The following PDZRN4 variants were observed in gnomAD, a reference collection of about 807,000 sequenced individuals.
PDZRN4 encodes the protein PDZ domain-containing RING finger protein 4.
A neutral mutation model predicts 99.0 loss-of-function variants in PDZRN4; 70 were observed. The observed-to-expected ratio is 0.71, with a 90% CI of 0.58 to 0.86. PDZRN4 has a LOEUF of 0.86. Ranked by LOEUF, PDZRN4 falls within the 40% of genes least tolerant of loss-of-function variation. The pLI, the probability that PDZRN4 is intolerant of heterozygous loss-of-function variation, is 0.00. For missense variants in PDZRN4, 1,474 were observed against 1,331.2 expected, an observed-to-expected ratio of 1.11 and a Z score of -1.67; for synonymous variants, 551 against 501.6, an observed-to-expected ratio of 1.10 and a Z score of -1.32.
intron 3 of PDZRN4, among the ~76,000 whole-genome samples, chr12:41,288,588 T>C (rs1344340765): frequency 6.7e-6 from 1 of 150,134 alleles, no homozygotes; most frequent in Non-Finnish European, 1.5e-5. Context: ...ACTGTGAAAC[T>C]GCTCGAAATG....
intron 5 of PDZRN4, among the ~76,000 whole-genome samples, chr12:41,517,710 A>T (rs766872214): frequency 6.6e-6 from 1 of 152,106 alleles, no homozygotes; most frequent in Non-Finnish European, 1.5e-5. Context: ...AACTCATATA[A>T]GCAAAGTGAG....
At chr12:41,436,384 A>T (rs1650950116) in intron 3 of PDZRN4, among the ~76,000 whole-genome samples, 1 of 152,226 alleles carries the variant, frequency 6.6e-6, no homozygotes, top group Non-Finnish European at 1.5e-5. Context: ...ATTAGTGCTC[A>T]TTAGAATCAT....
chr12:41,515,201 G>A (rs1938379746), intron 5 of PDZRN4, among the ~76,000 whole-genome samples: 1 of 152,016 alleles, frequency 6.6e-6, no homozygotes, highest in Non-Finnish European at 1.5e-5. Flanking sequence ...GAAGAAACAT[G>A]ATGGGTATGA....
intron 3 of PDZRN4, among the ~76,000 whole-genome samples, chr12:41,281,541 A>G (rs1315110469): frequency 6.6e-6 from 1 of 152,228 alleles, no homozygotes; most frequent in Non-Finnish European, 1.5e-5. Flanking sequence ...ATGGAGCTGA[A>G]AAACATAGCA....
chr12:41,429,837 A>G (rs879650184), intron 3 of PDZRN4, among the ~76,000 whole-genome samples: 4 of 147,284 alleles, frequency 2.7e-5, no homozygotes, highest in Non-Finnish European at 5.9e-5. Context: ...CTGTACTTAC[A>G]CTACTATTCA....
intron 3 of PDZRN4, among the ~76,000 whole-genome samples, chr12:41,283,475 A>G (rs920919864): frequency 2.1e-4 from 32 of 152,234 alleles, no homozygotes; most frequent in African/African-American, 7.5e-4. Flanking sequence ...TATTCTGAAC[A>G]ACAGAAAATG....
At position 41,189,032 on chromosome 12, in the gene PDZRN4, C is replaced by CA; in HGVS notation, c.578dup (p.Glu194GlyfsTer28). Reference sequence around the variant, plus strand: ...GGTGCAGCTCACGGCGCGCAGGTACCAGGAGAAGTTCACCCAATACATGGC... The same window carrying CA: ...GGTGCAGCTCACGGCGCGCAGGTACCAAGGAGAAGTTCACCCAATACATGGC... On this transcript the variant is annotated frameshift_variant, in exon 1 of 10. Coordinates refer to ENST00000402685, the MANE Select transcript of PDZRN4 (RefSeq NM_001164595.2). LOFTEE classifies it high-confidence loss of function. The CA allele has an allele frequency of 6.4e-7, 1 of 1,570,422 alleles. No individual in the cohort carries two copies. Among genetic ancestry groups the CA allele is most frequent in the Non-Finnish European group, 8.6e-7 (1 of 1,166,430 alleles).
chr12:41,466,845 C>A (rs1952931154), intron 3 of PDZRN4, among the ~76,000 whole-genome samples: 1 of 146,808 alleles, frequency 6.8e-6, no homozygotes, highest in Non-Finnish European at 1.5e-5. Context: ...CTGAGAAAAG[C>A]AGATCATAGA....
At chr12:41,224,601 A>T (rs973339130) in intron 3 of PDZRN4, among the ~76,000 whole-genome samples, 2 of 152,200 alleles carry the variant, frequency 1.3e-5, no homozygotes, top group African/African-American at 4.8e-5. Flanking sequence ...TCTGAGAAGT[A>T]GAGAATTGTG....
intron 3 of PDZRN4, among the ~76,000 whole-genome samples, chr12:41,435,513 G>A (rs897627590): frequency 1.3e-5 from 2 of 152,198 alleles, no homozygotes; most frequent in South Asian, 2.1e-4. Context: ...TATGGGCTGG[G>A]TGCGTTGGCT....
At chr12:41,384,635 C>T (rs1219512573) in intron 3 of PDZRN4, among the ~76,000 whole-genome samples, 3 of 152,126 alleles carry the variant, frequency 2.0e-5, no homozygotes, top group African/African-American at 4.8e-5. Flanking sequence ...ACTGTTGACT[C>T]TCTCTTATTT....
intron 3 of PDZRN4, among the ~76,000 whole-genome samples, chr12:41,418,881 G>A (rs1430256888): frequency 1.3e-5 from 2 of 152,130 alleles, no homozygotes; most frequent in Admixed American, 6.5e-5. Context: ...TCAGCATCTA[G>A]CTGACAACCC....
chr12:41,546,730 C>T (rs1304853912), intron 5 of PDZRN4, among the ~76,000 whole-genome samples: 4 of 152,062 alleles, frequency 2.6e-5, no homozygotes, highest in East Asian at 1.9e-4. Flanking sequence ...GAATTATTGA[C>T]AGTGAGAAGG....
intron 3 of PDZRN4, among the ~76,000 whole-genome samples, chr12:41,438,505 T>C (rs558434559): frequency 4.3e-4 from 66 of 152,302 alleles, no homozygotes; most frequent in Non-Finnish European, 7.5e-4. Context: ...GAAGACCTAG[T>C]AATTTTGTAT....
At chr12:41,285,770 A>G (rs954408990) in intron 3 of PDZRN4, among the ~76,000 whole-genome samples, 14 of 151,750 alleles carry the variant, frequency 9.2e-5, no homozygotes, top group African/African-American at 1.5e-4. Flanking sequence ...CAAACACCGC[A>G]TGTTCTCACT....
intron 3 of PDZRN4, among the ~76,000 whole-genome samples, chr12:41,320,723 G>T (rs1219108148): frequency 7.5e-6 from 1 of 134,226 alleles, no homozygotes; most frequent in African/African-American, 2.5e-5. Context: ...ATTGAATGAA[G>T]TAGGAAGTGA....
At chr12:41,213,724 T>C (rs570202345) in intron 3 of PDZRN4, among the ~76,000 whole-genome samples, 1 of 152,164 alleles carries the variant, frequency 6.6e-6, no homozygotes, top group South Asian at 2.1e-4. Flanking sequence ...TTTTTCAGCA[T>C]TTTGTGTTTT....
chr12:41,430,690 A>C (rs1952580006), intron 3 of PDZRN4, among the ~76,000 whole-genome samples: 1 of 152,208 alleles, frequency 6.6e-6, no homozygotes, highest in South Asian at 2.1e-4. Flanking sequence ...GGTGAACAGA[A>C]GTATAAAATT....
intron 3 of PDZRN4, among the ~76,000 whole-genome samples, chr12:41,302,903 G>C (rs150984471): frequency 1.5e-4 from 22 of 150,408 alleles, no homozygotes; most frequent in African/African-American, 5.4e-4. Flanking sequence ...TACTATTTTA[G>C]TCCTGTCCTG....
Sources: allele counts gnomAD v4.1 joint callset (sites outside exome capture counted in the v4.1 genomes callset), GRCh38; gene constraint gnomAD v4.1.1; transcripts MANE v1.5; gene names NCBI Gene and HGNC (gene_info 2026-07-23, HGNC 2026-07-21).